Variants in ADGRL3 observed in about 807,000 individuals in gnomAD.
ADGRL3 encodes the protein adhesion G protein-coupled receptor L3.
Under a neutral mutation model 153.5 loss-of-function variants are expected in ADGRL3, and 62 were observed. That is an observed-to-expected ratio of 0.40 (90% CI 0.33 to 0.50). The LOEUF is 0.50. ADGRL3 is among the 20% of genes least tolerant of loss of function. The pLI is 0.47. For synonymous variants in ADGRL3, 710 were observed against 672.5 expected, an observed-to-expected ratio of 1.06 and a Z score of -0.86; for missense variants, 1,641 against 1,859.4, an observed-to-expected ratio of 0.88 and a Z score of 2.16.
intron 1 of ADGRL3, among the ~76,000 whole-genome samples, chr4:61,349,228 T>C (rs2095991120): frequency 6.6e-6 from 1 of 152,074 alleles, no homozygotes; most frequent in South Asian, 2.1e-4. Flanking sequence ...TCATAATAAA[T>C]AGACTTTTAT....
chr4:61,595,010 C>T (rs1436122779), intron 5 of ADGRL3, among the ~76,000 whole-genome samples: 1 of 152,098 alleles, frequency 6.6e-6, no homozygotes, highest in African/African-American at 2.4e-5. Context: ...AAGCCCAAGG[C>T]ATCTGCCTCA....
chr4:61,574,491 A>G (rs2098856604), intron 4 of ADGRL3, among the ~76,000 whole-genome samples: 2 of 151,934 alleles, frequency 1.3e-5, no homozygotes, highest in Admixed American at 6.6e-5. Context: ...ATATTTTATT[A>G]CAAATATTAA....
At chr4:61,560,265 C>A (rs1038285430) in intron 4 of ADGRL3, among the ~76,000 whole-genome samples, 5 of 151,910 alleles carry the variant, frequency 3.3e-5, no homozygotes, top group Non-Finnish European at 7.4e-5. Flanking sequence ...TTGTAATATG[C>A]AATAAAAAAC....
At chr4:61,405,423 A>G (rs905356547) in intron 2 of ADGRL3, among the ~76,000 whole-genome samples, 2 of 151,978 alleles carry the variant, frequency 1.3e-5, no homozygotes, top group Non-Finnish European at 2.9e-5. Flanking sequence ...CCTAGTTTAC[A>G]TGCATATCTA....
intron 3 of ADGRL3, 63 bp from the exon 4 acceptor site, chr4:61,517,252 G>A (rs1402606387): frequency 1.5e-6 from 1 of 687,908 alleles, no homozygotes; most frequent in African/African-American, 1.8e-5. Flanking sequence ...CCTCTACCAG[G>A]GCTCCCCTGA....
chr4:61,980,305 A>G lies in ADGRL3; in HGVS notation c.3015+533A>G, dbSNP rs368259807. ...TTCCCACTAACCTCTGGTAACCACT[A>G]ATTTTTTTTTTTTTTTTTTTTTTTT... On this transcript the variant is annotated intron_variant, in intron 18 of 26. Transcript: ENST00000683033. Among the ~76,000 whole-genome samples, 3 of 31,052 alleles carry G rather than the reference A, an allele frequency of 9.7e-5. No individual in the cohort carries two copies. The South Asian group carries it at 2.2e-3, about 23-fold the overall frequency. 20.4% of individuals were successfully genotyped at this position (31,052 alleles called of 152,430 possible).
intron 8 of ADGRL3, among the ~76,000 whole-genome samples, chr4:61,800,960 A>G (rs1394150172): frequency 1.3e-5 from 2 of 152,296 alleles, no homozygotes; most frequent in East Asian, 3.9e-4. Context: ...TGATCTTTAT[A>G]CAAACAAGTC....
intron 11 of ADGRL3, among the ~76,000 whole-genome samples, chr4:61,906,641 A>G (rs1317663735): frequency 1.3e-5 from 2 of 152,144 alleles, no homozygotes; most frequent in Non-Finnish European, 2.9e-5. Flanking sequence ...CAATACAAAT[A>G]TACACTACCA....
intron 19 of ADGRL3, among the ~76,000 whole-genome samples, chr4:61,991,318 C>T (rs1404601600): frequency 5.3e-5 from 8 of 151,736 alleles, no homozygotes; most frequent in Non-Finnish European, 1.0e-4. Flanking sequence ...ACTTGTGTCA[C>T]GGGGGCTTCT....
At chr4:61,832,456 T>G (rs926186797) in intron 9 of ADGRL3, among the ~76,000 whole-genome samples, 36 of 152,322 alleles carry the variant, frequency 2.4e-4, no homozygotes, top group African/African-American at 8.4e-4. Context: ...TGCATTTCTT[T>G]TAGAAAGAAG....
chr4:61,427,235 G>A (rs75131683), intron 2 of ADGRL3: 5,290 of 152,634 alleles, frequency 0.035, 109 homozygotes, highest in South Asian at 0.084. Context: ...TGAATTACCT[G>A]CACCAGCTCT....
intron 8 of ADGRL3, among the ~76,000 whole-genome samples, chr4:61,794,118 G>A (rs554548351): frequency 1.1e-4 from 16 of 152,272 alleles, no homozygotes; most frequent in Admixed American, 1.0e-3. Context: ...AGGTTATATT[G>A]CCCTTGAGAG....
At chr4:61,227,018 A>G (rs1346303597) in intron 1 of ADGRL3, among the ~76,000 whole-genome samples, 1 of 38,042 alleles carries the variant, frequency 2.6e-5, no homozygotes, top group Non-Finnish European at 4.9e-5. Context: ...CTTCGGGAGT[A>G]AGCTTTATAT....
At chr4:61,972,354 C>T (rs1433407874) in intron 17 of ADGRL3, among the ~76,000 whole-genome samples, 1 of 152,132 alleles carries the variant, frequency 6.6e-6, no homozygotes, top group Non-Finnish European at 1.5e-5. Context: ...AGGAAGGGAT[C>T]CAGTTTCAGC....
chr4:61,563,968 C>T (rs531336613), intron 4 of ADGRL3, among the ~76,000 whole-genome samples: 2 of 152,192 alleles, frequency 1.3e-5, no homozygotes, highest in South Asian at 4.1e-4. Context: ...GAGATGGCAC[C>T]ATTGGACTCC....
chr4:61,500,237 C>A (rs1253314308), intron 3 of ADGRL3, among the ~76,000 whole-genome samples: 2 of 152,046 alleles, frequency 1.3e-5, no homozygotes, highest in African/African-American at 4.8e-5. Flanking sequence ...GAGGACAAAA[C>A]AATATAGAAG....
intron 1 of ADGRL3, among the ~76,000 whole-genome samples, chr4:61,273,845 A>G (rs758580157): frequency 6.6e-6 from 1 of 152,124 alleles, no homozygotes; most frequent in Non-Finnish European, 1.5e-5. Context: ...TTTAATATTT[A>G]TTTTAAAGAT....
intron 9 of ADGRL3, among the ~76,000 whole-genome samples, chr4:61,880,713 C>T (rs557466899): frequency 2.4e-4 from 37 of 152,148 alleles, no homozygotes; most frequent in South Asian, 6.2e-4. Flanking sequence ...ATACTCTGTA[C>T]GCTGATTATT....
chr4:61,719,712 C>T (rs1580441894), intron 6 of ADGRL3, among the ~76,000 whole-genome samples: 1 of 151,570 alleles, frequency 6.6e-6, no homozygotes, highest in Non-Finnish European at 1.5e-5. Flanking sequence ...AGTGATTCTC[C>T]TGCCTCAGCC....
Sources: gnomAD v4.1 joint callset for allele counts (sites outside exome capture counted in the v4.1 genomes callset) on GRCh38, gnomAD v4.1.1 for gene constraint, MANE v1.5 for transcripts, NCBI Gene and HGNC (gene_info 2026-07-23, HGNC 2026-07-21) for gene names.